The following CAND1 variants were observed in gnomAD, a reference collection of about 807,000 sequenced individuals.
CAND1 encodes cullin-associated NEDD8-dissociated protein 1.
Under a neutral mutation model 108.5 loss-of-function variants are expected in CAND1, and 7 were observed. The observed-to-expected ratio is 0.06, with a 90% CI of 0.04 to 0.12. CAND1 has a LOEUF of 0.12. CAND1 is among the 10% of genes least tolerant of loss of function. The probability of loss-of-function intolerance (pLI) is 1.00; values close to 1 mark genes in which losing one functional copy is unlikely to be tolerated. For missense variants in CAND1, 941 were observed against 1,448.7 expected, an observed-to-expected ratio of 0.65 and a Z score of 5.69; for synonymous variants, 534 against 512.0, an observed-to-expected ratio of 1.04 and a Z score of -0.58.
chr12:67,294,322 G>A (rs1373807907), intron 3 of CAND1, among the ~76,000 whole-genome samples: 3 of 152,030 alleles, frequency 2.0e-5, no homozygotes, highest in East Asian at 3.9e-4. Context: ...GTCCTGGAAC[G>A]AGGTTTCTGC....
intron 7 of CAND1, among the ~76,000 whole-genome samples, chr12:67,300,713 A>G (rs888502688): frequency 4.6e-5 from 7 of 152,168 alleles, no homozygotes; most frequent in Non-Finnish European, 1.0e-4. Flanking sequence ...CATGAAGGCT[A>G]GATGTTTTAA....
At chr12:67,277,383 T>C (rs1447565317) in intron 1 of CAND1, among the ~76,000 whole-genome samples, 1 of 152,224 alleles carries the variant, frequency 6.6e-6, no homozygotes, top group Non-Finnish European at 1.5e-5. Context: ...TATTGCTGAT[T>C]TATTAACATT....
In CAND1 at chr12:67,316,528, A is replaced by G. The variant is rs1280214575; in HGVS notation, c.*3698A>G. On this transcript the variant is annotated 3_prime_UTR_variant, in exon 15 of 15. Transcript: ENST00000545606. ...CTTAGAAAGTTAGCTCTGAATCCAA[A>G]AACTACTGAAGTGAGTAATGCATAT... 6.6e-6 allele frequency: 1 copy of G among 152,232 alleles called. No homozygotes were observed. Among genetic ancestry groups the G allele is most frequent in the Non-Finnish European group, 1.5e-5 (1 of 68,044 alleles). 9.4% of individuals were successfully genotyped at this position (152,232 alleles called of 1,614,324 possible).
At chr12:67,283,366 C>T (rs1189303423) in intron 2 of CAND1, among the ~76,000 whole-genome samples, 1 of 151,984 alleles carries the variant, frequency 6.6e-6, no homozygotes, top group Non-Finnish European at 1.5e-5. Flanking sequence ...GGTGGATCAC[C>T]TGAGGTCAGG....
rs1383356473 is a variant in CAND1, at chr12:67,302,438, C to T, written c.1116C>T (p.Tyr372=). 1 of 1,613,964 alleles carries T rather than the reference C, an allele frequency of 6.2e-7. No homozygotes were observed. The highest frequency in any genetic ancestry group is 1.3e-5 in the African/African-American group (1 of 74,918). The stretch of plus-strand genomic sequence containing the variant: ...GGCATGAAATGCTTCCAGAATTCTA[C>T]AAGACCGTCTCTCCTGCACTAATAT... ...STRHEMLPEF[Y]KTVSPALISR... Residue 372 remains tyrosine, a synonymous_variant, in exon 8 of 15, where the codon TAC becomes TAT. Coordinates refer to ENST00000545606, the MANE Select transcript of CAND1 (RefSeq NM_018448.5).
chr12:67,312,801 A>T lies in CAND1; in HGVS notation c.3664A>T (p.Thr1222Ser). The T allele has an allele frequency of 6.2e-7, 1 of 1,612,820 alleles. No homozygotes were observed. Among genetic ancestry groups the T allele is most frequent in the South Asian group, 1.1e-5 (1 of 90,860 alleles). ...FESIQKDSSSTNLESMDTS is the reference protein window; with the variant it reads ...FESIQKDSSSSNLESMDTS ...AAGTATCCAGAAAGATTCATCATCT[A>T]CTAACTTGGAATCAATGGACACTAG... The change falls in exon 15 of 15, where the codon ACT (threonine) becomes TCT (serine). Residue 1222 changes from threonine (T) to serine (S), a missense_variant. Around this residue, in one of 9 missense-constraint regions of CAND1, gnomAD observed 39 missense variants for 51.3 expected, o/e 0.76. Transcript: ENST00000545606.
chr12:67,292,333 A>G (rs770025071), intron 2 of CAND1, among the ~76,000 whole-genome samples: 1 of 152,156 alleles, frequency 6.6e-6, no homozygotes, highest in Non-Finnish European at 1.5e-5. Context: ...AGTTTTCTGT[A>G]TATTTGTCAA....
chr12:67,304,423 G>A (rs186546492), intron 8 of CAND1, among the ~76,000 whole-genome samples, 182 bp from the exon 9 acceptor site: 34 of 152,264 alleles, frequency 2.2e-4, no homozygotes, highest in African/African-American at 8.2e-4. Flanking sequence ...AGTTACAAGA[G>A]AACATATATA....
At chr12:67,301,369 G>A (rs960366549) in intron 7 of CAND1, among the ~76,000 whole-genome samples, 8 of 152,182 alleles carry the variant, frequency 5.3e-5, no homozygotes, top group East Asian at 3.9e-4. Flanking sequence ...TTACTACTCC[G>A]CTCTATTATT....
intron 8 of CAND1, 83 bp from the exon 9 acceptor site, chr12:67,304,522 A>G (rs1476600090): frequency 2.5e-5 from 35 of 1,389,082 alleles, no homozygotes; most frequent in African/African-American, 2.9e-5. Context: ...TCTTCCCTTT[A>G]TCCTCATTCT....
At position 67,297,188 on chromosome 12, in the gene CAND1, C is replaced by G. The variant is rs149106387; in HGVS notation, c.492-219C>G. On this transcript the variant is annotated intron_variant, in intron 4 of 14. Transcript: ENST00000545606. ...GGATTTAGGTCTAGATTCCCGGAGT[C>G]AGTTTGGCAATGTAAATTTCAGTGC... is the stretch of plus-strand genomic sequence containing the variant. 807 of 615,426 alleles carry G rather than the reference C, an allele frequency of 1.3e-3. 5 individuals carry two copies. Among genetic ancestry groups the G allele is most frequent in the African/African-American group, 0.013 (695 of 54,284 alleles). 38.1% of individuals were successfully genotyped at this position (615,426 alleles called of 1,614,324 possible). A position where few individuals can be genotyped will look rare whatever the true frequency, so the allele number is the denominator to read the frequency against.
At chr12:67,280,613 C>T (rs1238944844) in intron 1 of CAND1, among the ~76,000 whole-genome samples, 6 of 152,144 alleles carry the variant, frequency 3.9e-5, no homozygotes, top group African/African-American at 1.4e-4. Flanking sequence ...GGGACAAGTT[C>T]ATTTGACTTT....
intron 4 of CAND1, among the ~76,000 whole-genome samples, chr12:67,295,404 A>G (rs1390861836): frequency 2.6e-5 from 4 of 152,194 alleles, no homozygotes; most frequent in Non-Finnish European, 5.9e-5. Context: ...TTGTGATTTT[A>G]AATTTTTTTT....
chr12:67,270,383 A>C (rs7968645), intron 1 of CAND1: 73,269 of 152,244 alleles, frequency 0.48, 19,146 homozygotes, highest in Non-Finnish European at 0.59. Flanking sequence ...GGGAGCCAGG[A>C]TGGAGGAAAC....
intron 1 of CAND1, among the ~76,000 whole-genome samples, chr12:67,281,705 A>G (rs1187095098): frequency 6.6e-6 from 1 of 152,212 alleles, no homozygotes; most frequent in Non-Finnish European, 1.5e-5. Context: ...CTCTCTGGAT[A>G]CAATGAATTT....
intron 6 of CAND1, 59 bp from the exon 7 acceptor site, chr12:67,298,891 G>A: frequency 4.1e-6 from 4 of 982,884 alleles, no homozygotes; most frequent in Non-Finnish European, 4.8e-6. Context: ...AAATGTGGCA[G>A]GTAATGAATC....
At chr12:67,270,722 T>C (rs1301708512) in intron 1 of CAND1, 1 of 151,830 alleles carries the variant, frequency 6.6e-6, no homozygotes, top group Non-Finnish European at 1.5e-5. Context: ...TCGGTGATTG[T>C]TGCATTCTTT....
intron 1 of CAND1, among the ~76,000 whole-genome samples, chr12:67,272,012 G>T (rs972877116): frequency 6.6e-6 from 1 of 152,008 alleles, no homozygotes; most frequent in East Asian, 1.9e-4. Flanking sequence ...ATTTTAATTT[G>T]CTCTTTTTTA....
At chr12:67,272,055 AT>A (rs1202543381) in intron 1 of CAND1, among the ~76,000 whole-genome samples, 2 of 152,106 alleles carry the variant, frequency 1.3e-5, no homozygotes, top group African/African-American at 4.8e-5. Flanking sequence ...TTAGAAGTTT[AT>A]TTATTTTGGC....
Sources: gnomAD v4.1 joint callset for allele counts (sites outside exome capture counted in the v4.1 genomes callset) on GRCh38, gnomAD v4.1.1 for gene constraint, gnomAD v4.1.1 regional missense constraint, MANE v1.5 for transcripts, NCBI Gene and HGNC (gene_info 2026-07-23, HGNC 2026-07-21) for gene names.